The following MTRF1L variants were observed in gnomAD, a reference collection of about 807,000 sequenced individuals.
MTRF1L encodes mitochondrial translation release factor 1 like.
In MTRF1L, 29 loss-of-function variants were observed where a neutral mutation model predicts 40.0. That is an observed-to-expected ratio of 0.73 (90% CI 0.54 to 0.99). The LOEUF (loss-of-function observed/expected upper bound fraction) is 0.99, where lower values mean the gene tolerates loss of function less well. Ranked by LOEUF, MTRF1L falls within the 50% of genes least tolerant of loss-of-function variation. The pLI is 0.00. For missense variants in MTRF1L, 412 were observed against 464.5 expected (o/e 0.89, Z 1.04); for synonymous variants, 150 against 175.8 (o/e 0.85, Z 1.16).
Position 152,995,167 on chromosome 6 carries a change from A to T in MTRF1L, c.492T>A (p.Phe164Leu). The T allele has an allele frequency of 6.2e-7, 1 of 1,602,884 alleles. No homozygotes were observed. Among genetic ancestry groups the T allele is most frequent in the Non-Finnish European group, 8.5e-7 (1 of 1,176,272 alleles). ...QQYAAFKRWHFETLEYFPSEL... is the reference protein window; with the variant it reads ...QQYAAFKRWHLETLEYFPSEL... ...CACTTGGAAAATATTCCAGGGTTTC[A>T]AAATGCCATCTTTTAAATGCAGCAT... The change falls in exon 3 of 7, where the codon TTT (phenylalanine) becomes TTA (leucine). Residue 164 changes from phenylalanine (F) to leucine (L), a missense_variant. Coordinates refer to ENST00000367233, the MANE Select transcript of MTRF1L (RefSeq NM_019041.7).
intron 4 of MTRF1L, among the ~76,000 whole-genome samples, chr6:152,993,727 A>G (rs1778614641): frequency 6.6e-6 from 1 of 152,196 alleles, no homozygotes; most frequent in South Asian, 2.1e-4. Flanking sequence ...GGTTAAACAT[A>G]AGTGACTAGG....
At chr6:153,001,803 T>TCC (rs1778926892) in intron 1 of MTRF1L, among the ~76,000 whole-genome samples, 1 of 152,218 alleles carries the variant, frequency 6.6e-6, no homozygotes, top group African/African-American at 2.4e-5. Context: ...TGGAGAATAC[T>TCC]CCAATTTATC....
Position 152,995,329 on chromosome 6 carries a change from T to C in MTRF1L, c.340-10A>G, listed in dbSNP as rs1778680755. ...CCAAAAGTAAGATAATCTGTAAATATAAAAATATCACCCCTCCTATAATTA... is the reference window on the plus strand; with the variant it reads ...CCAAAAGTAAGATAATCTGTAAATACAAAAATATCACCCCTCCTATAATTA... On this transcript the variant is annotated splice_polypyrimidine_tract_variant and intron_variant, in intron 2 of 6. Coordinates refer to ENST00000367233, the MANE Select transcript of MTRF1L (RefSeq NM_019041.7). The C allele has an allele frequency of 1.3e-6, 2 of 1,557,784 alleles. No individual in the cohort carries two copies. The highest frequency in any genetic ancestry group is 2.4e-5 in the South Asian group (2 of 83,532).
In MTRF1L at chr6:152,992,981, A is replaced by G. The variant is rs966808503; in HGVS notation, c.688-7T>C. The G allele has an allele frequency of 6.2e-7, 1 of 1,608,604 alleles. No homozygotes were observed. The highest frequency in any genetic ancestry group is 1.1e-5 in the South Asian group (1 of 90,850). On this transcript the variant is annotated splice_polypyrimidine_tract_variant and splice_region_variant and intron_variant, in intron 4 of 6. Coordinates refer to ENST00000367233, the MANE Select transcript of MTRF1L (RefSeq NM_019041.7). ...GATTAATCACCAGATTAATCTATACAGAAGAAAAGTTGGGATTTTAAAAGA... is the reference window on the plus strand; with the variant it reads ...GATTAATCACCAGATTAATCTATACGGAAGAAAAGTTGGGATTTTAAAAGA...
chr6:153,002,552 G>A lies in MTRF1L; in HGVS notation c.134C>T (p.Thr45Ile). ...ELFTRGGPLR[T>I]FLERQAGSEA... is the part of the protein sequence containing the mutation. Reference sequence around the variant, plus strand: ...AGACCCCGCCTGGCGCTCGAGGAAGGTCCGCAAGGGCCCGCCCCGGGTGAA... The same window carrying A: ...AGACCCCGCCTGGCGCTCGAGGAAGATCCGCAAGGGCCCGCCCCGGGTGAA... Residue 45 changes from threonine (T) to isoleucine (I), a missense_variant, in exon 1 of 7, where the codon ACC becomes ATC. By Grantham distance (89) the Thr-to-Ile change is moderately conservative. Transcript: ENST00000367233. 3 of 1,591,392 alleles carry A rather than the reference G, an allele frequency of 1.9e-6. No homozygotes were observed. The highest frequency in any genetic ancestry group is 1.1e-5 in the South Asian group (1 of 88,810).
chr6:152,997,971 G>A (rs1447459888), intron 2 of MTRF1L, among the ~76,000 whole-genome samples: 1 of 152,064 alleles, frequency 6.6e-6, no homozygotes, highest in Non-Finnish European at 1.5e-5. Flanking sequence ...CTTTAGGGAT[G>A]CATTAAATGC....
At chr6:152,991,531 A>T in intron 5 of MTRF1L, 2 of 451,098 alleles carry the variant, frequency 4.4e-6, no homozygotes, top group Middle Eastern at 6.2e-4. Context: ...TAGCACAAAT[A>T]GCACAAAGTC....
At position 152,994,483 on chromosome 6, in the gene MTRF1L, G is replaced by A. The variant is rs750502550; in HGVS notation, c.687+30C>T. 4.4e-6 allele frequency: 7 copies of A among 1,579,254 alleles called. No individual in the cohort carries two copies. The African/African-American group carries it at 5.4e-5, about 12-fold the overall frequency. ...GGGACAAGGCACTGTGCTAGGCCCG[G>A]GATTCCAAGGAGAGGGGCTTATGCC... On this transcript the variant is annotated intron_variant, in intron 4 of 6. Transcript: ENST00000367233.
At chr6:152,994,878 A>T in intron 3 of MTRF1L, 1 of 756,236 alleles carries the variant, frequency 1.3e-6, no homozygotes, top group Non-Finnish European at 2.1e-6. Flanking sequence ...TTATGGGGCT[A>T]ATCAGTTGAC....
chr6:152,995,936 G>A (rs1480858083), intron 2 of MTRF1L, among the ~76,000 whole-genome samples: 1 of 152,146 alleles, frequency 6.6e-6, no homozygotes, highest in African/African-American at 2.4e-5. Flanking sequence ...AAACCTTTGT[G>A]CCTAGATCAG....
intron 2 of MTRF1L, among the ~76,000 whole-genome samples, chr6:152,997,138 G>C (rs1486088037): frequency 6.6e-6 from 1 of 152,186 alleles, no homozygotes; most frequent in East Asian, 1.9e-4. Context: ...GAAATCAGCA[G>C]TTTACAAATG....
intron 1 of MTRF1L, among the ~76,000 whole-genome samples, chr6:153,000,100 A>G (rs1423543994): frequency 6.6e-6 from 1 of 152,236 alleles, no homozygotes; most frequent in African/African-American, 2.4e-5. Context: ...TTCTAGCCCT[A>G]GCTTAATCGC....
intron 1 of MTRF1L, among the ~76,000 whole-genome samples, chr6:153,000,906 C>T (rs551026424): frequency 3.9e-4 from 52 of 134,030 alleles, no homozygotes; most frequent in East Asian, 8.6e-4. Context: ...CAGGGTCTTG[C>T]GCTGTCACCC....
intron 4 of MTRF1L, 88 bp from the exon 5 acceptor site, chr6:152,993,062 G>T: frequency 1.1e-6 from 1 of 898,418 alleles, no homozygotes; most frequent in Non-Finnish European, 1.8e-6. Flanking sequence ...TATACAACAT[G>T]TACAGAATTC....
chr6:152,999,965 A>G (rs1038358397), intron 1 of MTRF1L, among the ~76,000 whole-genome samples: 43 of 152,354 alleles, frequency 2.8e-4, no homozygotes, highest in African/African-American at 1.0e-3. Context: ...TCAAGGAGAG[A>G]GAATAACAAC....
At chr6:152,999,654 A>G (rs1047678484) in intron 1 of MTRF1L, among the ~76,000 whole-genome samples, 3 of 152,168 alleles carry the variant, frequency 2.0e-5, no homozygotes, top group East Asian at 1.9e-4. Context: ...ATGATAGTGA[A>G]TAAGTCTTAC....
At chr6:152,995,964 T>C (rs1224280432) in intron 2 of MTRF1L, among the ~76,000 whole-genome samples, 4 of 152,188 alleles carry the variant, frequency 2.6e-5, no homozygotes, top group Admixed American at 2.0e-4. Flanking sequence ...TCCATTACAA[T>C]AGTGTGTTTC....
chr6:152,991,643 T>A (rs1778523612), intron 5 of MTRF1L, among the ~76,000 whole-genome samples: 1 of 152,056 alleles, frequency 6.6e-6, no homozygotes, highest in African/African-American at 2.4e-5. Context: ...GCCTCCCGGG[T>A]TCACGCCATT....
chr6:152,997,350 G>A (rs1778748756), intron 2 of MTRF1L, among the ~76,000 whole-genome samples: 4 of 152,184 alleles, frequency 2.6e-5, no homozygotes, highest in Admixed American at 2.6e-4. Context: ...AAAATTAAAG[G>A]TGAGCAAACT....
Sources: gnomAD v4.1 joint callset for allele counts (sites outside exome capture counted in the v4.1 genomes callset) on GRCh38, gnomAD v4.1.1 for gene constraint, MANE v1.5 for transcripts, NCBI Gene and HGNC (gene_info 2026-07-23, HGNC 2026-07-21) for gene names.